CALD1: variants seen among roughly 807,000 people sequenced by gnomAD.
The protein encoded by CALD1 is caldesmon 1.
In CALD1, 33 loss-of-function variants were observed where a neutral mutation model predicts 99.9. The ratio of observed to expected loss-of-function variants is 0.33; its 90% CI spans 0.25 to 0.44. CALD1 has a LOEUF of 0.44. CALD1 is among the 20% of genes least tolerant of loss of function. The probability of loss-of-function intolerance (pLI) is 1.00; values close to 1 mark genes in which losing one functional copy is unlikely to be tolerated. For synonymous variants in CALD1, 310 were observed against 325.0 expected (o/e 0.95, Z 0.50); for missense variants, 861 against 962.1 (o/e 0.89, Z 1.39).
Position 134,779,857 on chromosome 7 carries a change from C to T in CALD1, c.-130+108C>T, listed in dbSNP as rs2131666452. On this transcript the variant is annotated intron_variant, in intron 1 of 14. Transcript: ENST00000361675. The stretch of plus-strand genomic sequence containing the variant: ...AGGTAGCTGGAGATGCAAGAATGTT[C>T]AAGGCAATAAACCATGCAAACTCCC... 7.6e-6 allele frequency: 3 copies of T among 394,940 alleles called. No homozygotes were observed. In the East Asian group the frequency reaches 1.1e-4, roughly 14 times the overall value. 24.5% of individuals were successfully genotyped at this position (394,940 alleles called of 1,614,324 possible).
At chr7:134,714,726 TA>T in the CALD1 span, among the ~76,000 whole-genome samples, 3 of 152,136 alleles carry the variant, frequency 2.0e-5, no homozygotes, top group African/African-American at 7.2e-5. Context: ...AAATGCAAAT[TA>T]AGGGATAGGT....
intron 2 of CALD1, among the ~76,000 whole-genome samples, chr7:134,867,196 C>T (rs1800840423): frequency 6.6e-6 from 1 of 152,208 alleles, no homozygotes; most frequent in East Asian, 1.9e-4. Flanking sequence ...AATCCTGATG[C>T]TTCTTTGAGA....
intron 13 of CALD1, 182 bp from the exon 14 acceptor site, chr7:134,965,116 AAAAAAAAT>A (rs1319376614): frequency 2.9e-5 from 13 of 449,522 alleles, no homozygotes; most frequent in African/African-American, 6.0e-5. Flanking sequence ...ACTCTGTCTC[AAAAAAAAT>A]AAAAAAATAA....
chr7:134,844,481 T>TAG (rs1205489848), intron 2 of CALD1: 2 of 152,324 alleles, frequency 1.3e-5, no homozygotes, highest in East Asian at 3.9e-4. Context: ...ATTTCCACTT[T>TAG]AGAGGATGGA....
rs535846050 is a variant in CALD1, at chr7:134,862,666, T to C, written c.-41-5027T>C. ...ATGGTGAATACATGACATTCGGTAT[T>C]TGGTGAAACCTATGAAACTGTGCAA... On this transcript the variant is annotated intron_variant, in intron 2 of 14. Transcript: ENST00000361675. Among the ~76,000 whole-genome samples, 7 of 152,302 alleles carry C rather than the reference T, an allele frequency of 4.6e-5. No individual in the cohort carries two copies. In the South Asian group the frequency reaches 1.2e-3, roughly 27 times the overall value.
chr7:134,711,680 A>ATATATATATATGTGTGTG, the CALD1 span, among the ~76,000 whole-genome samples: 2 of 109,588 alleles, frequency 1.8e-5, no homozygotes, highest in African/African-American at 7.8e-5. Context: ...ATATATATAT[A>ATATATATATATGTGTGTG]TGTGTGTGTG....
intron 11 of CALD1, among the ~76,000 whole-genome samples, chr7:134,958,818 G>A (rs1177635423): frequency 6.7e-6 from 1 of 148,768 alleles, no homozygotes; most frequent in African/African-American, 2.5e-5. Flanking sequence ...CTTTCAGCGT[G>A]AATATTGTTT....
intron 3 of CALD1, among the ~76,000 whole-genome samples, chr7:134,873,430 G>A (rs1801199719): frequency 6.6e-6 from 1 of 152,148 alleles, no homozygotes; most frequent in African/African-American, 2.4e-5. Context: ...TGGATGTGCT[G>A]TTGCATCACC....
At chr7:134,902,971 A>G (rs1382987723) in intron 3 of CALD1, among the ~76,000 whole-genome samples, 1 of 152,126 alleles carries the variant, frequency 6.6e-6, no homozygotes, top group Non-Finnish European at 1.5e-5. Context: ...ACAATAGAAT[A>G]TTACTCAGAA....
chr7:134,876,550 T>A (rs1391467907), intron 3 of CALD1, among the ~76,000 whole-genome samples: 1 of 152,162 alleles, frequency 6.6e-6, no homozygotes, highest in Non-Finnish European at 1.5e-5. Flanking sequence ...TAAAGAAAGA[T>A]GAGTGGATAG....
chr7:134,814,653 T>C (rs1563019920), intron 1 of CALD1, among the ~76,000 whole-genome samples: 1 of 152,220 alleles, frequency 6.6e-6, no homozygotes, highest in African/African-American at 2.4e-5. Flanking sequence ...AAGATGCTAT[T>C]TATTCCATAC....
chr7:134,839,092 C>T (rs1799552636), intron 1 of CALD1, among the ~76,000 whole-genome samples: 1 of 152,198 alleles, frequency 6.6e-6, no homozygotes, highest in Non-Finnish European at 1.5e-5. Context: ...TGCCTTCCCC[C>T]ACCCAGCCAC....
At chr7:134,851,535 GC>G (rs1286167823) in intron 2 of CALD1, among the ~76,000 whole-genome samples, 1 of 152,206 alleles carries the variant, frequency 6.6e-6, no homozygotes, top group East Asian at 1.9e-4. Flanking sequence ...GTCATGACAA[GC>G]TAGGTTATGC....
the CALD1 span, among the ~76,000 whole-genome samples, chr7:134,736,543 G>A: frequency 1.3e-5 from 2 of 152,118 alleles, no homozygotes; most frequent in Non-Finnish European, 1.5e-5. Context: ...CTTACAGATA[G>A]GCAAAATGAG....
intron 2 of CALD1, among the ~76,000 whole-genome samples, chr7:134,859,862 C>G (rs1401792449): frequency 1.3e-5 from 2 of 152,126 alleles, no homozygotes; most frequent in East Asian, 3.9e-4. Context: ...TTTCACAAAT[C>G]TAAACTACTC....
At chr7:134,801,151 T>G (rs191829351) in intron 1 of CALD1, among the ~76,000 whole-genome samples, 1 of 152,278 alleles carries the variant, frequency 6.6e-6, no homozygotes, top group African/African-American at 2.4e-5. Flanking sequence ...TGATTCCCTT[T>G]TAGTCTTTAC....
chr7:134,762,425 G>A (rs1002162969), intron 1 of CALD1, among the ~76,000 whole-genome samples: 1 of 152,242 alleles, frequency 6.6e-6, no homozygotes, highest in South Asian at 2.1e-4. Context: ...TGGATTGGGA[G>A]AGTTGCTAAA....
intron 1 of CALD1, among the ~76,000 whole-genome samples, chr7:134,767,096 C>T (rs1360613742): frequency 6.6e-6 from 1 of 152,096 alleles, no homozygotes; most frequent in Non-Finnish European, 1.5e-5. Flanking sequence ...TGAAATGAAG[C>T]TGAAAGGCCC....
intron 1 of CALD1, among the ~76,000 whole-genome samples, chr7:134,816,423 G>T (rs1291989601): frequency 6.6e-6 from 1 of 152,148 alleles, no homozygotes; most frequent in Non-Finnish European, 1.5e-5. Context: ...GCTGGAAAAG[G>T]TGCGAATTTG....
Sources: gnomAD v4.1 joint callset for allele counts (sites outside exome capture counted in the v4.1 genomes callset) on GRCh38, gnomAD v4.1.1 for gene constraint, MANE v1.5 for transcripts, NCBI Gene and HGNC (gene_info 2026-07-23, HGNC 2026-07-21) for gene names.